CPB1: variants seen among roughly 807,000 people sequenced by gnomAD.
CPB1 encodes the protein carboxypeptidase B.
A neutral mutation model predicts 51.4 loss-of-function variants in CPB1; 53 were observed. The ratio of observed to expected loss-of-function variants is 1.03; its 90% CI spans 0.83 to 1.30. The LOEUF is 1.30. Ranked by LOEUF, CPB1 falls within the 50% of genes most tolerant of loss-of-function variation. CPB1 has a pLI of 0.00. For missense variants in CPB1, 494 were observed against 516.2 expected (o/e 0.96, Z 0.42); for synonymous variants, 189 against 186.9 (o/e 1.01, Z -0.09).
At chr3:148,834,333 A>G (rs1224085096) in intron 2 of CPB1, among the ~76,000 whole-genome samples, 165 bp from the exon 3 acceptor site, 1 of 152,218 alleles carries the variant, frequency 6.6e-6, no homozygotes, top group Non-Finnish European at 1.5e-5. Flanking sequence ...TCAACATCTA[A>G]CTGCTTGGTT....
intron 10 of CPB1, among the ~76,000 whole-genome samples, chr3:148,858,105 G>C (rs977050644): frequency 6.6e-6 from 1 of 152,114 alleles, no homozygotes; most frequent in Non-Finnish European, 1.5e-5. Flanking sequence ...CAGTAGGGAA[G>C]CAGCAAAAAT....
At chr3:148,859,576 G>A (rs562971649) in intron 10 of CPB1, among the ~76,000 whole-genome samples, 10 of 152,264 alleles carry the variant, frequency 6.6e-5, no homozygotes, top group African/African-American at 1.4e-4. Flanking sequence ...TACAGATTAC[G>A]TACTTTCTGA....
intron 2 of CPB1, among the ~76,000 whole-genome samples, chr3:148,830,511 G>A (rs1576565586): frequency 1.3e-5 from 2 of 152,136 alleles, no homozygotes; most frequent in South Asian, 4.1e-4. Flanking sequence ...AATTAATATA[G>A]GTAAAGCAAT....
chr3:148,828,279 C>T (rs1490059911), intron 2 of CPB1, among the ~76,000 whole-genome samples: 1 of 152,122 alleles, frequency 6.6e-6, no homozygotes, highest in Non-Finnish European at 1.5e-5. Context: ...ATTATAAATC[C>T]ATGGTAACTT....
At chr3:148,834,713 C>A in intron 3 of CPB1, 91 bp downstream of exon 3, 2 of 1,272,054 alleles carry the variant, frequency 1.6e-6, no homozygotes, top group African/African-American at 1.5e-5. Context: ...GAAATGAGAC[C>A]AAGACCAATG....
At chr3:148,842,465 A>T (rs1713114307) in intron 6 of CPB1, among the ~76,000 whole-genome samples, 1 of 152,182 alleles carries the variant, frequency 6.6e-6, no homozygotes, top group African/African-American at 2.4e-5. Flanking sequence ...TAATAATAAG[A>T]TGAATGTAAA....
At chr3:148,832,306 A>G (rs1712765388) in intron 2 of CPB1, among the ~76,000 whole-genome samples, 1 of 152,112 alleles carries the variant, frequency 6.6e-6, no homozygotes, top group African/African-American at 2.4e-5. Context: ...TAGAAAGAAA[A>G]CCATTTATAA....
At chr3:148,828,114 A>T (rs759006417) in intron 2 of CPB1, 37 bp downstream of exon 2, 1 of 1,494,430 alleles carries the variant, frequency 6.7e-7, no homozygotes, top group African/African-American at 1.4e-5. Flanking sequence ...CATCTAATTT[A>T]AAATCTTAGA....
At chr3:148,842,050 AT>A (rs1713101453) in intron 6 of CPB1, 126 bp downstream of exon 6, 1 of 718,568 alleles carries the variant, frequency 1.4e-6, no homozygotes, top group Admixed American at 2.8e-5. Context: ...AATTTTGGAA[AT>A]TAGTTTCAAC....
Position 148,860,154 on chromosome 3 carries a change from A to T in CPB1, c.*152A>T. 2.9e-6 allele frequency: 2 copies of T among 687,992 alleles called. No individual in the cohort carries two copies. Among genetic ancestry groups the T allele is most frequent in the South Asian group, 4.1e-5 (2 of 49,240 alleles). The allele number at this position is 687,992 out of a possible 1,614,324, so 42.6% of individuals were successfully genotyped here. ...AAACTAGGTAGATCTTTTCGTATTGATCATAATAAAAGTGAATCATTACTA... is the reference window on the plus strand; with the variant it reads ...AAACTAGGTAGATCTTTTCGTATTGTTCATAATAAAAGTGAATCATTACTA... On this transcript the variant is annotated 3_prime_UTR_variant, in exon 11 of 11. Transcript: ENST00000282957.
intron 9 of CPB1, chr3:148,854,712 A>G (rs930751265): frequency 4.6e-5 from 7 of 152,232 alleles, no homozygotes; most frequent in African/African-American, 1.7e-4. Context: ...GGTGCTGTGC[A>G]ATCTGCTGAG....
intron 9 of CPB1, among the ~76,000 whole-genome samples, chr3:148,853,660 A>G (rs1001605283): frequency 1.3e-5 from 2 of 152,172 alleles, no homozygotes; most frequent in African/African-American, 4.8e-5. Flanking sequence ...GCTGGTTTAT[A>G]TTTAGCTTCC....
intron 9 of CPB1, among the ~76,000 whole-genome samples, chr3:148,849,352 C>T (rs917442006): frequency 6.6e-6 from 1 of 152,056 alleles, no homozygotes; most frequent in East Asian, 1.9e-4. Context: ...GTTGCCACTA[C>T]CGTCAAAGGA....
At chr3:148,858,773 A>G (rs1362936654) in intron 10 of CPB1, among the ~76,000 whole-genome samples, 1 of 152,106 alleles carries the variant, frequency 6.6e-6, no homozygotes, top group Non-Finnish European at 1.5e-5. Flanking sequence ...TGGAAGGCAC[A>G]TTCCACAGGC....
intron 3 of CPB1, 143 bp downstream of exon 3, chr3:148,834,765 C>T (rs1712846050): frequency 2.9e-6 from 2 of 681,576 alleles, no homozygotes; most frequent in Non-Finnish European, 4.7e-6. Flanking sequence ...CAGAGCTGGC[C>T]CTGGATTCCA....
At chr3:148,841,545 G>A (rs1015915614) in intron 5 of CPB1, among the ~76,000 whole-genome samples, 5 of 152,148 alleles carry the variant, frequency 3.3e-5, no homozygotes, top group African/African-American at 1.2e-4. Context: ...CTCCACATGA[G>A]TACAATTAAG....
intron 2 of CPB1, among the ~76,000 whole-genome samples, chr3:148,832,993 T>A (rs560270523): frequency 2.6e-4 from 40 of 152,214 alleles, no homozygotes; most frequent in Non-Finnish European, 4.0e-4. Context: ...CAGGTGTTTA[T>A]TAGGAACACA....
At chr3:148,841,202 A>G (rs1377421157) in intron 5 of CPB1, among the ~76,000 whole-genome samples, 1 of 152,224 alleles carries the variant, frequency 6.6e-6, no homozygotes, top group Non-Finnish European at 1.5e-5. Context: ...ATAAGAGAAG[A>G]CCTATAAATT....
At chr3:148,852,974 T>G (rs1259934171) in intron 9 of CPB1, among the ~76,000 whole-genome samples, 1 of 152,224 alleles carries the variant, frequency 6.6e-6, no homozygotes, top group Non-Finnish European at 1.5e-5. Context: ...TTCCTGCTTA[T>G]AGACCGTAAG....
Sources: allele counts gnomAD v4.1 joint callset (sites outside exome capture counted in the v4.1 genomes callset), GRCh38; gene constraint gnomAD v4.1.1; transcripts MANE v1.5; gene names NCBI Gene and HGNC (gene_info 2026-07-23, HGNC 2026-07-21).